TMEM74: variants seen among roughly 807,000 people sequenced by gnomAD.
The protein encoded by TMEM74 is transmembrane protein 74.
In TMEM74, 13 loss-of-function variants were observed where a neutral mutation model predicts 18.1. The ratio of observed to expected loss-of-function variants is 0.72; its 90% CI spans 0.47 to 1.14. The LOEUF (loss-of-function observed/expected upper bound fraction) is 1.14, where lower values mean the gene tolerates loss of function less well. Ranked by LOEUF, TMEM74 falls within the 50% of genes most tolerant of loss-of-function variation. The pLI is 0.00. For synonymous variants in TMEM74, 159 were observed against 146.6 expected, an observed-to-expected ratio of 1.08 and a Z score of -0.61; for missense variants, 372 against 375.9, an observed-to-expected ratio of 0.99 and a Z score of 0.09.
rs1814326933 is a variant in TMEM74, at chr8:108,782,965, G to A, written c.*1216C>T. On this transcript the variant is annotated 3_prime_UTR_variant, in exon 2 of 2. Transcript: ENST00000297459. ...AAGTGAGCACCTTGCTCATCATGCT[G>A]CTCTTAGAGAAGAGTTTGTGCTGCA... 6.6e-6 allele frequency among the ~76,000 whole-genome samples: 1 copy of A among 152,228 alleles called. No homozygotes were observed. The highest frequency in any genetic ancestry group is 6.5e-5 in the Admixed American group (1 of 15,278).
At chr8:108,745,249 A>G (rs1813837904) in intron 1 of TMEM74, among the ~76,000 whole-genome samples, 2 of 152,070 alleles carry the variant, frequency 1.3e-5, no homozygotes, top group Admixed American at 1.3e-4. Context: ...AACTTTTTCC[A>G]TGAAAGGCCA....
chr8:108,661,378 CTTTTTTTTT>C (rs760545466), intron 1 of TMEM74, among the ~76,000 whole-genome samples: 4 of 86,728 alleles, frequency 4.6e-5, no homozygotes, highest in Admixed American at 2.9e-4. Flanking sequence ...CCTTGCAGCT[CTTTTTTTTT>C]TTTTTTTTTT....
chr8:108,626,115 T>C (rs1812490313), intron 2 of TMEM74, among the ~76,000 whole-genome samples: 1 of 152,034 alleles, frequency 6.6e-6, no homozygotes, highest in Non-Finnish European at 1.5e-5. Context: ...TCAAGACAAA[T>C]TTCTTTTAAA....
At chr8:108,662,819 CT>C (rs1812913627) in intron 1 of TMEM74, among the ~76,000 whole-genome samples, 4 of 152,238 alleles carry the variant, frequency 2.6e-5, no homozygotes, top group South Asian at 4.1e-4. Flanking sequence ...CCTGGGAAGT[CT>C]TTCCAATCCT....
At chr8:108,689,302 A>G (rs369008391) in intron 1 of TMEM74, among the ~76,000 whole-genome samples, 1 of 152,210 alleles carries the variant, frequency 6.6e-6, no homozygotes, top group Non-Finnish European at 1.5e-5. Flanking sequence ...AGAAAGGGTT[A>G]AGGAACCACA....
intron 1 of TMEM74, among the ~76,000 whole-genome samples, chr8:108,660,098 G>A (rs539860181): frequency 1.7e-4 from 26 of 152,036 alleles, no homozygotes; most frequent in African/African-American, 5.8e-4. Flanking sequence ...CTTTGTTTTG[G>A]CATCTGCTTC....
chr8:108,636,919 C>T (rs772621225), intron 2 of TMEM74, among the ~76,000 whole-genome samples: 1 of 152,072 alleles, frequency 6.6e-6, no homozygotes, highest in Non-Finnish European at 1.5e-5. Context: ...GTCTCAGCTA[C>T]TATGTGTTGA....
intron 2 of TMEM74, among the ~76,000 whole-genome samples, chr8:108,634,059 G>T (rs933595283): frequency 1.3e-5 from 2 of 151,932 alleles, no homozygotes; most frequent in African/African-American, 4.8e-5. Context: ...AAAAGTTACC[G>T]GCAAACTGAG....
intron 1 of TMEM74, among the ~76,000 whole-genome samples, chr8:108,716,207 C>T (rs1770448419): frequency 6.6e-6 from 1 of 152,030 alleles, no homozygotes; most frequent in Non-Finnish European, 1.5e-5. Context: ...GAACAGAGAA[C>T]ATGCTTTGCC....
chr8:108,756,605 A>G, intron 1 of TMEM74, among the ~76,000 whole-genome samples: 1 of 73,818 alleles, frequency 1.4e-5, no homozygotes, highest in Non-Finnish European at 2.6e-5. Context: ...AGAGAAAGGA[A>G]GGAAGGAAGG....
At chr8:108,651,570 A>G (rs1497626) in intron 2 of TMEM74, among the ~76,000 whole-genome samples, 24,928 of 152,042 alleles carry the variant, frequency 0.16, 2,240 homozygotes, top group East Asian at 0.28. Flanking sequence ...ATATCTGGAA[A>G]TTAGAAAGAG....
intron 1 of TMEM74, among the ~76,000 whole-genome samples, chr8:108,693,653 G>A (rs1813252009): frequency 6.6e-6 from 1 of 152,232 alleles, no homozygotes. Context: ...GTACGGGGTG[G>A]TGTGGAAAGA....
chr8:108,735,842 G>C (rs1213652683), intron 1 of TMEM74, among the ~76,000 whole-genome samples: 1 of 151,884 alleles, frequency 6.6e-6, no homozygotes. Context: ...CCTCCTCCCT[G>C]TACACCTACT....
intron 1 of TMEM74, among the ~76,000 whole-genome samples, chr8:108,771,407 G>GA (rs1174480391): frequency 2.0e-5 from 3 of 151,740 alleles, no homozygotes; most frequent in Admixed American, 6.6e-5. Flanking sequence ...AGCATATTTA[G>GA]AAAAAAGGAA....
intron 1 of TMEM74, among the ~76,000 whole-genome samples, chr8:108,721,089 C>G (rs1478287754): frequency 6.6e-6 from 1 of 152,066 alleles, no homozygotes; most frequent in Non-Finnish European, 1.5e-5. Context: ...ATTTAAATAC[C>G]CACTTCTGAG....
intron 1 of TMEM74, among the ~76,000 whole-genome samples, chr8:108,670,313 C>G (rs1563745261): frequency 6.6e-6 from 1 of 152,098 alleles, no homozygotes; most frequent in Non-Finnish European, 1.5e-5. Flanking sequence ...ATTGAGTAGG[C>G]ATTGGGTCAG....
Position 108,784,804 on chromosome 8 carries a change from C to G in TMEM74, c.295G>C (p.Val99Leu), listed in dbSNP as rs1486647755. 3 of 1,614,224 alleles carry G rather than the reference C, an allele frequency of 1.9e-6. No individual in the cohort carries two copies. Among genetic ancestry groups the G allele is most frequent in the Non-Finnish European group, 2.5e-6 (3 of 1,180,040 alleles). The change falls in exon 2 of 2, where the codon GTC (valine) becomes CTC (leucine). Residue 99 changes from valine to leucine, a missense_variant. Val to Leu is a conservative substitution (Grantham distance 32). Transcript: ENST00000297459. ...GNNQITAERK[V>L]CNCCSQELET... The stretch of plus-strand genomic sequence containing the variant: ...AATTCCTGGCTGCAGCAGTTACAGA[C>G]TTTCCGTTCCGCTGTTATTTGGTTG...
intron 2 of TMEM74, among the ~76,000 whole-genome samples, chr8:108,635,204 A>G (rs563267547): frequency 6.6e-6 from 1 of 152,034 alleles, no homozygotes; most frequent in African/African-American, 2.4e-5. Flanking sequence ...TGTCAACTCA[A>G]TTTAAACAAC....
chr8:108,722,818 A>T (rs972879151), intron 1 of TMEM74, among the ~76,000 whole-genome samples: 1 of 152,124 alleles, frequency 6.6e-6, no homozygotes, highest in Non-Finnish European at 1.5e-5. Flanking sequence ...AAAATCATTC[A>T]TCTTCATATT....
Sources: gnomAD v4.1 joint callset for allele counts (sites outside exome capture counted in the v4.1 genomes callset) on GRCh38, gnomAD v4.1.1 for gene constraint, MANE v1.5 for transcripts, NCBI Gene and HGNC (gene_info 2026-07-23, HGNC 2026-07-21) for gene names.